Variants in ST8SIA6 observed in about 807,000 individuals in gnomAD.
The protein encoded by ST8SIA6 is alpha-2,8-sialyltransferase 8F.
ST8SIA6 carries 39 observed loss-of-function variants against 33.6 expected under a neutral mutation model. The ratio of observed to expected loss-of-function variants is 1.16; its 90% confidence interval spans 0.90 to 1.52. The LOEUF (loss-of-function observed/expected upper bound fraction) is 1.52, where lower values mean the gene tolerates loss of function less well. Ranked by LOEUF, ST8SIA6 falls within the 40% of genes most tolerant of loss-of-function variation. The pLI, the probability that ST8SIA6 is intolerant of heterozygous loss-of-function variation, is 0.00. For missense variants in ST8SIA6, 441 were observed against 443.8 expected, an observed-to-expected ratio of 0.99 and a Z score of 0.06; for synonymous variants, 172 against 167.2, an observed-to-expected ratio of 1.03 and a Z score of -0.22.
At chr10:17,337,840 T>C (rs1159899533) in intron 4 of ST8SIA6, among the ~76,000 whole-genome samples, 1 of 152,140 alleles carries the variant, frequency 6.6e-6, no homozygotes, top group East Asian at 1.9e-4. Flanking sequence ...GAGGACACTG[T>C]GGGTATTCAT....
At chr10:17,371,619 G>A (rs1269619880) in intron 3 of ST8SIA6, among the ~76,000 whole-genome samples, 2 of 151,312 alleles carry the variant, frequency 1.3e-5, no homozygotes, top group Middle Eastern at 3.4e-3. Flanking sequence ...ACCCCTTCTC[G>A]ACTAAAAATA....
chr10:17,447,139 C>T (rs533187788), intron 2 of ST8SIA6, among the ~76,000 whole-genome samples: 2 of 151,882 alleles, frequency 1.3e-5, no homozygotes, highest in South Asian at 4.2e-4. Flanking sequence ...GCCTGTAATC[C>T]CAGCACTTTC....
At chr10:17,420,937 A>G (rs2131707442) in intron 2 of ST8SIA6, among the ~76,000 whole-genome samples, 1 of 152,306 alleles carries the variant, frequency 6.6e-6, no homozygotes, top group South Asian at 2.1e-4. Context: ...GGAAGTGCCC[A>G]CACTTTTAAA....
chr10:17,343,914 C>G (rs1468349786), intron 4 of ST8SIA6, among the ~76,000 whole-genome samples: 1 of 152,172 alleles, frequency 6.6e-6, no homozygotes, highest in East Asian at 1.9e-4. Context: ...GTCTCAAGCA[C>G]TCTTCCAAGC....
intron 4 of ST8SIA6, among the ~76,000 whole-genome samples, chr10:17,345,769 A>G (rs1848814377): frequency 6.6e-6 from 1 of 152,152 alleles, no homozygotes; most frequent in Admixed American, 6.5e-5. Flanking sequence ...TGGGATATGC[A>G]TTTTAGGATG....
intron 4 of ST8SIA6, among the ~76,000 whole-genome samples, chr10:17,334,954 TAAAGTC>T (rs937895381): frequency 1.1e-4 from 17 of 152,236 alleles, no homozygotes; most frequent in Non-Finnish European, 2.2e-4. Flanking sequence ...TAATCAACCT[TAAAGTC>T]AAAGAGATTT....
chr10:17,421,512 A>G (rs183143383), intron 2 of ST8SIA6, among the ~76,000 whole-genome samples: 1 of 152,314 alleles, frequency 6.6e-6, no homozygotes, highest in Admixed American at 6.5e-5. Context: ...ACTAGCCCTG[A>G]ATGAGTGAGA....
chr10:17,424,653 C>A (rs1851878337), intron 2 of ST8SIA6, among the ~76,000 whole-genome samples: 1 of 152,090 alleles, frequency 6.6e-6, no homozygotes, highest in Non-Finnish European at 1.5e-5. Context: ...ATACTTATTT[C>A]ATTATCTCCC....
intron 2 of ST8SIA6, among the ~76,000 whole-genome samples, chr10:17,394,992 C>T (rs1850756469): frequency 3.3e-5 from 5 of 151,988 alleles, no homozygotes; most frequent in Admixed American, 3.3e-4. Flanking sequence ...TGGCTGTGTC[C>T]CCACCCATAT....
At chr10:17,341,757 C>T (rs1848679995) in intron 4 of ST8SIA6, among the ~76,000 whole-genome samples, 3 of 151,614 alleles carry the variant, frequency 2.0e-5, no homozygotes, top group Admixed American at 2.0e-4. Context: ...AAAAATTAGC[C>T]AGGTGTGTTG....
chr10:17,419,903 A>T (rs1238363834), intron 2 of ST8SIA6, among the ~76,000 whole-genome samples: 1 of 152,318 alleles, frequency 6.6e-6, no homozygotes, highest in African/African-American at 2.4e-5. Flanking sequence ...ATCTGATATC[A>T]TGCAGTCATG....
chr10:17,368,937 G>T (rs771222857), intron 3 of ST8SIA6, among the ~76,000 whole-genome samples: 10 of 152,130 alleles, frequency 6.6e-5, no homozygotes, highest in Non-Finnish European at 2.9e-5. Context: ...TATTCAAAGG[G>T]TGGACCTGAG....
At chr10:17,439,053 C>T (rs919661712) in intron 2 of ST8SIA6, among the ~76,000 whole-genome samples, 1 of 152,208 alleles carries the variant, frequency 6.6e-6, no homozygotes, top group African/African-American at 2.4e-5. Context: ...ATAAAAAACA[C>T]AAACCACCTT....
intron 2 of ST8SIA6, among the ~76,000 whole-genome samples, chr10:17,450,724 G>C (rs1588940472): frequency 6.6e-6 from 1 of 152,214 alleles, no homozygotes; most frequent in South Asian, 2.1e-4. Context: ...TTACAGGCTT[G>C]AGCCTCCGTG....
intron 2 of ST8SIA6, among the ~76,000 whole-genome samples, chr10:17,430,981 C>T (rs1042523743): frequency 6.6e-6 from 1 of 152,152 alleles, no homozygotes; most frequent in African/African-American, 2.4e-5. Context: ...CTTCAATACA[C>T]AGGCACCAAG....
At chr10:17,370,799 T>A (rs1441730987) in intron 3 of ST8SIA6, among the ~76,000 whole-genome samples, 4 of 152,210 alleles carry the variant, frequency 2.6e-5, no homozygotes, top group Non-Finnish European at 5.9e-5. Context: ...GGGAAGCACT[T>A]GTAAGAAACT....
intron 4 of ST8SIA6, among the ~76,000 whole-genome samples, chr10:17,332,675 G>C (rs776164731): frequency 1.3e-5 from 2 of 152,018 alleles, no homozygotes; most frequent in Non-Finnish European, 2.9e-5. Context: ...GGCCAGGCTG[G>C]TCTCGAACTC....
At chr10:17,347,420 T>C (rs982765653) in intron 4 of ST8SIA6, among the ~76,000 whole-genome samples, 12 of 151,490 alleles carry the variant, frequency 7.9e-5, no homozygotes, top group Non-Finnish European at 1.6e-4. Flanking sequence ...ACACACAGAG[T>C]AGCGTAAACG....
chr10:17,398,569 C>G (rs1394820197), intron 2 of ST8SIA6, among the ~76,000 whole-genome samples: 7 of 152,136 alleles, frequency 4.6e-5, no homozygotes, highest in Non-Finnish European at 8.8e-5. Flanking sequence ...AAAGGAGTTT[C>G]AAGAATATCC....
Sources: allele counts gnomAD v4.1 joint callset (sites outside exome capture counted in the v4.1 genomes callset), GRCh38; gene constraint gnomAD v4.1.1; transcripts MANE v1.5; gene names NCBI Gene and HGNC (gene_info 2026-07-23, HGNC 2026-07-21).